PCDHGA7: variants seen among roughly 807,000 people sequenced by gnomAD.
PCDHGA7 encodes the protein protocadherin gamma subfamily A, 7, also known as protocadherin gamma-A7.
A neutral mutation model predicts 58.3 loss-of-function variants in PCDHGA7; 44 were observed. That is an observed-to-expected ratio of 0.75 (90% CI 0.59 to 0.97). PCDHGA7 has a LOEUF of 0.97. Ranked by LOEUF, PCDHGA7 falls within the 50% of genes least tolerant of loss-of-function variation. The probability of loss-of-function intolerance (pLI) is 0.00; values close to 1 mark genes in which losing one functional copy is unlikely to be tolerated. For missense variants in PCDHGA7, 1,266 were observed against 1,188.7 expected, an observed-to-expected ratio of 1.06 and a Z score of -0.96; for synonymous variants, 516 against 504.2, an observed-to-expected ratio of 1.02 and a Z score of -0.31.
chr5:141,509,621 C>T (rs1179988828), intron 3 of PCDHGA7, among the ~76,000 whole-genome samples: 1 of 152,178 alleles, frequency 6.6e-6, no homozygotes, highest in African/African-American at 2.4e-5. Flanking sequence ...AAACAAGTTC[C>T]TGGGTGATGC....
rs1279675225 is a variant in PCDHGA7, at chr5:141,383,956, A to G, written c.1057A>G (p.Ser353Gly). 1.9e-6 allele frequency: 3 copies of G among 1,613,670 alleles called. No individual in the cohort carries two copies. The highest frequency in any genetic ancestry group is 2.5e-6 in the Non-Finnish European group (3 of 1,179,598). The change falls in exon 1 of 4, where the codon AGT (serine) becomes GGT (glycine). Residue 353 changes from serine to glycine, a missense_variant. Ser to Gly is a moderately conservative substitution (Grantham distance 56). Coordinates refer to ENST00000518325, the MANE Select transcript of PCDHGA7 (RefSeq NM_018920.4). ...NAPEVTMTSL[S>G]SSIPEDTPLG... ...TCCAGAAGTGACTATGACGTCTTTA[A>G]GTAGCTCAATCCCTGAAGACACACC...
intron 1 of PCDHGA7, chr5:141,389,294 A>T (rs776760884): frequency 1.2e-6 from 2 of 1,613,964 alleles, no homozygotes; most frequent in Non-Finnish European, 1.7e-6. Flanking sequence ...CCTCTATTTC[A>T]CAAGTCAGGG....
intron 3 of PCDHGA7, among the ~76,000 whole-genome samples, chr5:141,506,298 A>C (rs887906455): frequency 6.6e-6 from 1 of 151,936 alleles, no homozygotes; most frequent in Non-Finnish European, 1.5e-5. Context: ...AAAATACAAA[A>C]ATTAGCTGGG....
rs2099746025 is a variant in PCDHGA7 at position 141,493,066 on chromosome 5, T to C, written c.2425-1741T>C. On this transcript the variant is annotated intron_variant, in intron 1 of 3. Coordinates refer to ENST00000518325, the MANE Select transcript of PCDHGA7 (RefSeq NM_018920.4). This position sits in a 1 kb window ranked among gnomAD's most constrained non-coding sequence, Gnocchi z 4.3. ...AACTACAATAGTAAAAAACACAAGT[T>C]TCTCCAACTCCAGGAGCTTTTATTC... Among the ~76,000 whole-genome samples the C allele has an allele frequency of 6.6e-6, 1 of 152,202 alleles. No homozygotes were observed. Among genetic ancestry groups the C allele is most frequent in the East Asian group, 1.9e-4 (1 of 5,194 alleles).
intron 1 of PCDHGA7, among the ~76,000 whole-genome samples, chr5:141,437,913 T>G (rs1232481433): frequency 6.6e-6 from 1 of 152,138 alleles, no homozygotes; most frequent in East Asian, 1.9e-4. Context: ...AATTTTTGTA[T>G]TTTTAGTAGA....
chr5:141,476,016 G>A lies in PCDHGA7; in HGVS notation c.2425-18791G>A. 7.4e-7 allele frequency: 1 copy of A among 1,359,386 alleles called. No individual in the cohort carries two copies. 84.2% of individuals were successfully genotyped at this position (1,359,386 alleles called of 1,614,324 possible). A position where few individuals can be genotyped will look rare whatever the true frequency, so the allele number is the denominator to read the frequency against. On this transcript the variant is annotated intron_variant, in intron 1 of 3. Coordinates refer to ENST00000518325, the MANE Select transcript of PCDHGA7 (RefSeq NM_018920.4). This position sits in a 1 kb window ranked among gnomAD's most constrained non-coding sequence, Gnocchi z 7.6. ...TCAACGGCATCCAGAAAGCCATGTC[G>A]GACTCGGCGCCCAGCGCCCAAGCGC...
At chr5:141,404,142 CAGA>C (rs781433913) in intron 1 of PCDHGA7, 21 of 1,612,668 alleles carry the variant, frequency 1.3e-5, no homozygotes, top group Middle Eastern at 1.6e-4. Context: ...TTAGAAAATT[CAGA>C]AGAAGATTAT....
At position 141,399,361 on chromosome 5, in the gene PCDHGA7, C is replaced by T. The variant is rs375619778; in HGVS notation, c.2424+14038C>T. 7.2e-5 allele frequency: 117 copies of T among 1,613,842 alleles called. No individual in the cohort carries two copies. Among genetic ancestry groups the T allele is most frequent in the Non-Finnish European group, 9.7e-5 (115 of 1,179,910 alleles). ...TGGAACCCTAGACCGAGAGCAAACC[C>T]CGGAGTACAATGTCACCATCACAGC... On this transcript the variant is annotated intron_variant, in intron 1 of 3. Transcript: ENST00000518325.
At chr5:141,427,378 C>T in intron 1 of PCDHGA7, 1 of 458,520 alleles carries the variant, frequency 2.2e-6, no homozygotes, top group Non-Finnish European at 4.4e-6. Context: ...ACGGTGATCA[C>T]TCTGTTCAAA....
At position 141,491,502 on chromosome 5, in the gene PCDHGA7, C is replaced by G. The variant is rs751961360; in HGVS notation, c.2425-3305C>G. 1.4e-5 allele frequency: 23 copies of G among 1,614,080 alleles called. No homozygotes were observed. Among genetic ancestry groups the G allele is most frequent in the Non-Finnish European group, 1.8e-5 (21 of 1,180,006 alleles). ...GCCCCAACCTGCAGGTGAGCTCGGA[C>G]GGCACGCTCAAGTACATGGAGGTGA... On this transcript the variant is annotated intron_variant, in intron 1 of 3. Coordinates refer to ENST00000518325, the MANE Select transcript of PCDHGA7 (RefSeq NM_018920.4). This position sits in a 1 kb window ranked among gnomAD's most constrained non-coding sequence, Gnocchi z 6.9.
chr5:141,432,421 C>T lies in PCDHGA7; in HGVS notation c.2424+47098C>T, dbSNP rs771647620. 10 of 1,614,126 alleles carry T rather than the reference C, an allele frequency of 6.2e-6. No homozygotes were observed. In the African/African-American group the frequency reaches 1.2e-4, roughly 19 times the overall value. ...TGTCGTTGAGCCTGTTCGTGCTGGA[C>T]CAGAACGACAATGCGCCCGAGATCC... On this transcript the variant is annotated intron_variant, in intron 1 of 3. Transcript: ENST00000518325. This position sits in a 1 kb window ranked among gnomAD's most constrained non-coding sequence, Gnocchi z 6.0.
chr5:141,475,708 C>G (rs2099367415), intron 1 of PCDHGA7, among the ~76,000 whole-genome samples: 1 of 152,238 alleles, frequency 6.6e-6, no homozygotes, highest in African/African-American at 2.4e-5. Flanking sequence ...AACGGCTAGC[C>G]TCACAGCCCC....
chr5:141,427,912 A>T (rs1268491054), intron 1 of PCDHGA7: 2 of 1,577,806 alleles, frequency 1.3e-6, no homozygotes, highest in Admixed American at 3.3e-5. Flanking sequence ...CTCAGCGCCA[A>T]CATGAGCCGG....
At chr5:141,403,774 C>A (rs1350465491) in intron 1 of PCDHGA7, 1 of 1,613,786 alleles carries the variant, frequency 6.2e-7, no homozygotes, top group Non-Finnish European at 8.5e-7. Context: ...AGGGAATCAA[C>A]GGAAAAGTGG....
intron 1 of PCDHGA7, chr5:141,419,944 C>T (rs1375807568): frequency 6.2e-7 from 1 of 1,614,066 alleles, no homozygotes; most frequent in South Asian, 1.1e-5. Flanking sequence ...TGGTGGTGGC[C>T]TTGGCCTTGA....
At chr5:141,414,167 A>T (rs2095716553) in intron 1 of PCDHGA7, 3 of 1,605,526 alleles carry the variant, frequency 1.9e-6, no homozygotes, top group Non-Finnish European at 2.6e-6. Flanking sequence ...GGAGGAGCAT[A>T]TCTTGCAACT....
In PCDHGA7 at chr5:141,389,412, G is replaced by A. The variant is rs1039259671; in HGVS notation, c.2424+4089G>A. 5 of 1,613,588 alleles carry A rather than the reference G, an allele frequency of 3.1e-6. No individual in the cohort carries two copies. Among genetic ancestry groups the A allele is most frequent in the Admixed American group, 3.3e-5 (2 of 60,038 alleles). On this transcript the variant is annotated intron_variant, in intron 1 of 3. Transcript: ENST00000518325. ...CTACGTGTCCATAAGCGCGGAGAGC[G>A]GGGTGGTGTTCGCGCAGCGCGCCTT...
At chr5:141,433,128 C>T (rs773994964) in intron 1 of PCDHGA7, 3 of 1,614,158 alleles carry the variant, frequency 1.9e-6, no homozygotes, top group Non-Finnish European at 1.7e-6. Flanking sequence ...AAAAGCGAGC[C>T]CCTTTTGCTG....
Position 141,405,636 on chromosome 5 carries a change from G to A in PCDHGA7, c.2424+20313G>A, listed in dbSNP as rs546836247. 7 of 528,588 alleles carry A rather than the reference G, an allele frequency of 1.3e-5. 1 individual carries two copies. The highest frequency in any genetic ancestry group is 8.1e-5 in the South Asian group (3 of 37,242). The allele number at this position is 528,588 out of a possible 1,614,324, so 32.7% of individuals were successfully genotyped here. A position where few individuals can be genotyped will look rare whatever the true frequency, so the allele number is the denominator to read the frequency against. On this transcript the variant is annotated intron_variant, in intron 1 of 3. Coordinates refer to ENST00000518325, the MANE Select transcript of PCDHGA7 (RefSeq NM_018920.4). ...ACTACAGGCACGTGCCACCACGCCC[G>A]GCTAATTTTTTGTGTGTTTTTAGTA...
Sources: allele counts gnomAD v4.1 joint callset (sites outside exome capture counted in the v4.1 genomes callset), GRCh38; gene constraint gnomAD v4.1.1; non-coding constraint Gnocchi (gnomAD v3.1); transcripts MANE v1.5; gene names NCBI Gene and HGNC (gene_info 2026-07-23, HGNC 2026-07-21).